EFCAB13: variants seen among roughly 807,000 people sequenced by gnomAD.
The protein encoded by EFCAB13 is EF-hand calcium-binding domain-containing protein 13.
A neutral mutation model predicts 110.2 loss-of-function variants in EFCAB13; 91 were observed. The ratio of observed to expected loss-of-function variants is 0.83; its 90% CI spans 0.70 to 0.98. The LOEUF (loss-of-function observed/expected upper bound fraction) is 0.98, where lower values mean the gene tolerates loss of function less well. Among genes scored for constraint, EFCAB13 ranks in the 50% least tolerant of loss-of-function variants. The probability of loss-of-function intolerance (pLI) is 0.00; values close to 1 mark genes in which losing one functional copy is unlikely to be tolerated. For missense variants in EFCAB13, 968 were observed against 1,119.4 expected (o/e 0.86, Z 1.93); for synonymous variants, 323 against 369.9 (o/e 0.87, Z 1.45).
intron 20 of EFCAB13, among the ~76,000 whole-genome samples, chr17:47,406,190 G>A (rs1429558542): frequency 6.6e-6 from 1 of 152,146 alleles, no homozygotes; most frequent in Admixed American, 6.6e-5. Context: ...TTGGCTCACT[G>A]CAACCTCTGC....
intron 23 of EFCAB13, 114 bp downstream of exon 23, chr17:47,415,033 G>C (rs943347092): frequency 1.4e-6 from 1 of 692,638 alleles, no homozygotes; most frequent in African/African-American, 1.9e-5. Flanking sequence ...GTGGCACATA[G>C]ACACCATGGA....
At chr17:47,419,356 G>A (rs1904553211) in intron 23 of EFCAB13, among the ~76,000 whole-genome samples, 1 of 152,196 alleles carries the variant, frequency 6.6e-6, no homozygotes, top group South Asian at 2.1e-4. Flanking sequence ...GACATTGGGG[G>A]AGGATCGTTT....
intron 23 of EFCAB13, among the ~76,000 whole-genome samples, chr17:47,422,386 A>C (rs1231930088): frequency 1.3e-5 from 2 of 152,210 alleles, no homozygotes; most frequent in Non-Finnish European, 2.9e-5. Context: ...AGTCCTAGCC[A>C]GTATCACAGG....
At chr17:47,393,972 T>G (rs1946422788) in intron 15 of EFCAB13, 53 bp from the exon 16 acceptor site, 1 of 1,007,626 alleles carries the variant, frequency 9.9e-7, no homozygotes, top group Non-Finnish European at 1.5e-6. Context: ...ATTCAATATT[T>G]TTCATAATAA....
At chr17:47,374,434 A>G in intron 11 of EFCAB13, 38 bp from the exon 12 acceptor site, 1 of 1,391,804 alleles carries the variant, frequency 7.2e-7, no homozygotes, top group South Asian at 1.7e-5. Flanking sequence ...TGCAAATTAT[A>G]CAGGTAAATG....
intron 14 of EFCAB13, among the ~76,000 whole-genome samples, chr17:47,386,016 G>T (rs1212041440): frequency 6.6e-6 from 1 of 152,166 alleles, no homozygotes; most frequent in Non-Finnish European, 1.5e-5. Flanking sequence ...TCCCAGAGGG[G>T]CACCAGGCTG....
chr17:47,351,317 G>GCGCGCGCGCGCGCA (rs1204089926), intron 9 of EFCAB13, among the ~76,000 whole-genome samples: 160 of 113,970 alleles, frequency 1.4e-3, no homozygotes, highest in Admixed American at 2.5e-3. Context: ...GCGCGCGCGC[G>GCGCGCGCGCGCGCA]CGCGCGCGCG....
chr17:47,417,861 C>A (rs888869323), intron 23 of EFCAB13, among the ~76,000 whole-genome samples: 1 of 152,118 alleles, frequency 6.6e-6, no homozygotes. Flanking sequence ...GGGTTTTCTT[C>A]CACAGTGTTG....
At chr17:47,349,753 ATGTTTCT>A (rs758987206) in intron 9 of EFCAB13, among the ~76,000 whole-genome samples, 1 of 121,644 alleles carries the variant, frequency 8.2e-6, no homozygotes, top group Non-Finnish European at 1.7e-5. Context: ...GCTGTGGCTG[ATGTTTCT>A]TTTTTTTTTT....
chr17:47,400,329 A>G, intron 17 of EFCAB13, among the ~76,000 whole-genome samples: 1 of 152,178 alleles, frequency 6.6e-6, no homozygotes, highest in East Asian at 1.9e-4. Flanking sequence ...TTGAGCTACA[A>G]ATTCTTGACA....
intron 24 of EFCAB13, among the ~76,000 whole-genome samples, chr17:47,437,352 G>A (rs181847602): frequency 6.6e-6 from 1 of 152,292 alleles, no homozygotes; most frequent in African/African-American, 2.4e-5. Flanking sequence ...AGTGCTGTCA[G>A]TGGAGTATTG....
intron 23 of EFCAB13, among the ~76,000 whole-genome samples, chr17:47,420,139 G>GGGGTTTC (rs1904595487): frequency 1.3e-5 from 2 of 152,198 alleles, no homozygotes; most frequent in Non-Finnish European, 2.9e-5. Context: ...TGGTGGAGAC[G>GGGGTTTC]GGGTTTCGCT....
intron 21 of EFCAB13, among the ~76,000 whole-genome samples, chr17:47,410,544 C>T (rs2065829053): frequency 6.6e-6 from 1 of 152,160 alleles, no homozygotes; most frequent in Non-Finnish European, 1.5e-5. Context: ...TAACTTGTTC[C>T]CGTGCCAACT....
intron 9 of EFCAB13, among the ~76,000 whole-genome samples, chr17:47,359,739 AG>A (rs1379843558): frequency 1.0e-4 from 15 of 149,052 alleles, no homozygotes; most frequent in Non-Finnish European, 1.6e-4. Context: ...CTCGTCATTT[AG>A]CATTAGGTAT....
chr17:47,354,892 G>A (rs1264792824), intron 9 of EFCAB13, among the ~76,000 whole-genome samples: 1 of 152,226 alleles, frequency 6.6e-6, no homozygotes, highest in African/African-American at 2.4e-5. Flanking sequence ...GAGATGTGAG[G>A]TACTATTCTA....
intron 7 of EFCAB13, 21 bp downstream of exon 7, chr17:47,344,313 T>C (rs1309785046): frequency 6.2e-7 from 1 of 1,603,700 alleles, no homozygotes; most frequent in Non-Finnish European, 8.5e-7. Flanking sequence ...CCTTGTACTC[T>C]ATTTTTTAAA....
chr17:47,337,573 G>A (rs1262679836), intron 5 of EFCAB13, among the ~76,000 whole-genome samples: 1 of 152,132 alleles, frequency 6.6e-6, no homozygotes, highest in Non-Finnish European at 1.5e-5. Flanking sequence ...AATGTGTGAA[G>A]TAGCTCATAA....
intron 24 of EFCAB13, among the ~76,000 whole-genome samples, chr17:47,436,272 G>GTGA (rs1905212633): frequency 6.6e-6 from 1 of 152,070 alleles, no homozygotes; most frequent in African/African-American, 2.4e-5. Context: ...TGGTATTAGA[G>GTGA]TGATGCTGGC....
rs367883543 is a variant in EFCAB13 at position 47,332,614 on chromosome 17, G to A, written c.31-2582G>A. On this transcript the variant is annotated intron_variant, in intron 4 of 24. Transcript: ENST00000331493. ...TCTGATAACCATCTTTCTACTCCCT[G>A]TTTCTATGAGAACAACATTTTTAGA... 4.5e-4 allele frequency among the ~76,000 whole-genome samples: 67 copies of A among 149,574 alleles called. 2 individuals carry two copies. In the South Asian group the frequency reaches 0.013, roughly 29 times the overall value.
Sources: allele counts gnomAD v4.1 joint callset (sites outside exome capture counted in the v4.1 genomes callset), GRCh38; gene constraint gnomAD v4.1.1; transcripts MANE v1.5; gene names NCBI Gene and HGNC (gene_info 2026-07-23, HGNC 2026-07-21).